The following DNAJC3 variants were observed in gnomAD, a reference collection of about 807,000 sequenced individuals.
DNAJC3 encodes the protein dnaJ homolog subfamily C member 3.
A neutral mutation model predicts 68.6 loss-of-function variants in DNAJC3; 38 were observed. That is an observed-to-expected ratio of 0.55 (90% CI 0.43 to 0.73). The LOEUF (loss-of-function observed/expected upper bound fraction) is 0.73, where lower values mean the gene tolerates loss of function less well. DNAJC3 is among the 30% of genes least tolerant of loss of function. The probability of loss-of-function intolerance (pLI) is 0.00; values close to 1 mark genes in which losing one functional copy is unlikely to be tolerated. For missense variants in DNAJC3, 526 were observed against 591.9 expected (o/e 0.89, Z 1.16); for synonymous variants, 203 against 204.0 (o/e 1.00, Z 0.04).
intron 2 of DNAJC3, among the ~76,000 whole-genome samples, chr13:95,710,807 C>G (rs2139628268): frequency 6.6e-6 from 1 of 152,284 alleles, no homozygotes; most frequent in Non-Finnish European, 1.5e-5. Flanking sequence ...CCACCTCAGC[C>G]TCCTGAGTAG....
Position 95,760,133 on chromosome 13 carries a change from G to T in DNAJC3, c.640G>T (p.Ala214Ser). ...GAAAGCTATAAGTGACTTAAAAGCTGCGTCAAAGTTGAAGAATGATAATAC... is the reference window on the plus strand; with the variant it reads ...GAAAGCTATAAGTGACTTAAAAGCTTCGTCAAAGTTGAAGAATGATAATAC... ...PRKAISDLKA[A>S]SKLKNDNTEA... The change falls in exon 6 of 12, where the codon GCG (alanine) becomes TCG (serine). Residue 214 changes from alanine (A) to serine (S), a missense_variant. Physicochemically the swap from Ala to Ser is moderately conservative, Grantham distance 99. Coordinates refer to ENST00000602402, the MANE Select transcript of DNAJC3 (RefSeq NM_006260.5). 1 of 1,613,000 alleles carries T rather than the reference G, an allele frequency of 6.2e-7. No individual in the cohort carries two copies. The highest frequency in any genetic ancestry group is 8.5e-7 in the Non-Finnish European group (1 of 1,179,426).
At chr13:95,736,036 A>G (rs1881904934) in intron 4 of DNAJC3, among the ~76,000 whole-genome samples, 1 of 152,150 alleles carries the variant, frequency 6.6e-6, no homozygotes, top group Non-Finnish European at 1.5e-5. Flanking sequence ...AGCTTTCTAC[A>G]TACGGCTAGC....
intron 4 of DNAJC3, among the ~76,000 whole-genome samples, chr13:95,731,970 GCTTAAGAGATCCTTCCAC>G (rs962755903): frequency 1.3e-5 from 2 of 150,992 alleles, no homozygotes; most frequent in African/African-American, 4.9e-5. Context: ...AAACTCCTGG[GCTTAAGAGATCCTTCCAC>G]CTTGGCCTCC....
intron 1 of DNAJC3, chr13:95,692,694 C>A (rs12873125): frequency 6.6e-6 from 1 of 152,142 alleles, no homozygotes; most frequent in Non-Finnish European, 1.5e-5. Context: ...TTAGAGCAAT[C>A]TGTGCTCTAA....
intron 1 of DNAJC3, chr13:95,693,275 G>A (rs896160380): frequency 6.6e-6 from 1 of 152,080 alleles, no homozygotes; most frequent in African/African-American, 2.4e-5. Context: ...AGCACTTACA[G>A]GTATGCCTTT....
chr13:95,723,411 T>C, intron 3 of DNAJC3, 45 bp downstream of exon 3: 1 of 1,582,372 alleles, frequency 6.3e-7, no homozygotes. Context: ...TAACAGAACT[T>C]GGGGAGAGAT....
At chr13:95,678,975 T>C (rs1436598696) in intron 1 of DNAJC3, among the ~76,000 whole-genome samples, 2 of 152,112 alleles carry the variant, frequency 1.3e-5, no homozygotes, top group Non-Finnish European at 2.9e-5. Flanking sequence ...AGGGACTTAG[T>C]ACAGGTAACA....
intron 4 of DNAJC3, among the ~76,000 whole-genome samples, chr13:95,747,264 TATATG>T (rs1428321918): frequency 6.6e-6 from 1 of 152,182 alleles, no homozygotes; most frequent in African/African-American, 2.4e-5. Flanking sequence ...GCAAATATGA[TATATG>T]ATAAGTGTGT....
intron 2 of DNAJC3, among the ~76,000 whole-genome samples, chr13:95,719,217 G>A (rs996936885): frequency 3.9e-5 from 6 of 152,188 alleles, no homozygotes; most frequent in South Asian, 2.1e-4. Flanking sequence ...GGGATATGGC[G>A]CTTCTTTGCC....
At chr13:95,708,477 C>G (rs73550552) in intron 1 of DNAJC3, among the ~76,000 whole-genome samples, 2,595 of 152,268 alleles carry the variant, frequency 0.017, 79 homozygotes, top group African/African-American at 0.06. Context: ...AGGCCTTTCT[C>G]CTGTTTCTGG....
rs754285175 is a variant in DNAJC3 at position 95,794,903 on chromosome 13, G to A, written c.*3873G>A. On this transcript the variant is annotated 3_prime_UTR_variant, in exon 12 of 12. Coordinates refer to ENST00000602402, the MANE Select transcript of DNAJC3 (RefSeq NM_006260.5). ...AAAAGGAACCTAATATTTGAAATGG[G>A]TCTCAGACATGTCTACAAATATGGG... 1.1e-4 allele frequency: 16 copies of A among 152,320 alleles called. No homozygotes were observed. The highest frequency in any genetic ancestry group is 2.6e-4 in the Admixed American group (4 of 15,308). 9.4% of individuals were successfully genotyped at this position (152,320 alleles called of 1,614,324 possible).
intron 9 of DNAJC3, 151 bp downstream of exon 9, chr13:95,764,104 TC>T (rs1882902471): frequency 1.7e-6 from 2 of 1,207,394 alleles, no homozygotes; most frequent in African/African-American, 3.1e-5. Context: ...AAATTACTCT[TC>T]CATAGTGGAA....
chr13:95,694,927 T>TA (rs1349011426), intron 1 of DNAJC3: 3 of 152,656 alleles, frequency 2.0e-5, no homozygotes, highest in Non-Finnish European at 4.4e-5. Context: ...ATTATCCTCC[T>TA]ACTCAACAAC....
chr13:95,740,375 C>A (rs1372210470), intron 4 of DNAJC3, among the ~76,000 whole-genome samples: 1 of 152,210 alleles, frequency 6.6e-6, no homozygotes, highest in Non-Finnish European at 1.5e-5. Flanking sequence ...TTTACCTAAG[C>A]AAGCCTGGGC....
chr13:95,781,479 C>G (rs778322994), intron 9 of DNAJC3, among the ~76,000 whole-genome samples: 1 of 152,218 alleles, frequency 6.6e-6, no homozygotes, highest in South Asian at 2.1e-4. Context: ...TTCCTATCTT[C>G]CAGAAATTTA....
intron 1 of DNAJC3, among the ~76,000 whole-genome samples, chr13:95,707,464 T>C (rs1880792267): frequency 6.6e-6 from 1 of 152,308 alleles, no homozygotes; most frequent in Middle Eastern, 3.4e-3. Flanking sequence ...AAGTGATAGC[T>C]TAGTTAATTG....
chr13:95,707,087 C>G lies in DNAJC3; in HGVS notation c.83-2140C>G, dbSNP rs921267245. ...GTTTCGGGATGAATCTGTTCCACTT[C>G]AGATCATCAGGCTTTAGTTAGATTC... is the stretch of plus-strand genomic sequence containing the variant. On this transcript the variant is annotated intron_variant, in intron 1 of 11. Transcript: ENST00000602402. Among the ~76,000 whole-genome samples, 3 of 152,286 alleles carry G rather than the reference C, an allele frequency of 2.0e-5. No homozygotes were observed. The South Asian group carries it at 6.2e-4, about 32-fold the overall frequency.
chr13:95,685,236 G>T (rs1880041797), intron 1 of DNAJC3, among the ~76,000 whole-genome samples: 1 of 152,220 alleles, frequency 6.6e-6, no homozygotes, highest in South Asian at 2.1e-4. Flanking sequence ...CTCACCCCTT[G>T]CTGCAATATG....
intron 7 of DNAJC3, 69 bp from the exon 8 acceptor site, chr13:95,763,574 G>A (rs1805612608): frequency 6.9e-7 from 1 of 1,450,294 alleles, no homozygotes; most frequent in African/African-American, 1.4e-5. Flanking sequence ...GGTGAAGAGG[G>A]GAGGAGCCTT....
Sources: allele counts gnomAD v4.1 joint callset (sites outside exome capture counted in the v4.1 genomes callset), GRCh38; gene constraint gnomAD v4.1.1; transcripts MANE v1.5; gene names NCBI Gene and HGNC (gene_info 2026-07-23, HGNC 2026-07-21).